Variants in MDN1 observed in about 807,000 individuals in gnomAD.
The protein encoded by MDN1 is midasin AAA ATPase 1, also known as midasin.
In MDN1, 266 loss-of-function variants were observed where a neutral mutation model predicts 669.2. That is an observed-to-expected ratio of 0.40 (90% confidence interval 0.36 to 0.44). The LOEUF (loss-of-function observed/expected upper bound fraction) is 0.44. Ranked by LOEUF, MDN1 falls within the 20% of genes least tolerant of loss-of-function variation. MDN1 has a pLI of 1.00. For synonymous variants in MDN1, 2,385 were observed against 2,457.1 expected (o/e 0.97, Z 0.87); for missense variants, 5,940 against 6,754.0 (o/e 0.88, Z 4.22).
chr6:89,813,945 T>G (rs1331717305), intron 1 of MDN1, among the ~76,000 whole-genome samples: 1 of 148,398 alleles, frequency 6.7e-6, no homozygotes, highest in Non-Finnish European at 1.5e-5. Flanking sequence ...AAAAAAAAAT[T>G]AGCCAGACGC....
chr6:89,711,555 G>A lies in MDN1; in HGVS notation c.7651+481C>T, dbSNP rs74428309. On this transcript the variant is annotated intron_variant, in intron 49 of 101. Coordinates refer to ENST00000369393, the MANE Select transcript of MDN1 (RefSeq NM_014611.3). ...TCCACGTATGTTGATGTCCCTGGGT[G>A]GGGGAGGGAGAGTCCTTGTATCAAT... 4.9e-3 allele frequency among the ~76,000 whole-genome samples: 745 copies of A among 152,192 alleles called. 9 individuals carry two copies. The highest frequency in any genetic ancestry group is 0.017 in the Middle Eastern group (5 of 294).
At position 89,701,574 on chromosome 6, in the gene MDN1, C is replaced by G; in HGVS notation, c.8411G>C (p.Arg2804Pro). The change falls in exon 55 of 102, where the codon CGA (arginine) becomes CCA (proline). Residue 2804 changes from arginine to proline, a missense_variant. Physicochemically the swap from Arg to Pro is moderately radical, Grantham distance 103. Around this residue, in one of 5 missense-constraint regions of MDN1, gnomAD observed 2,292 missense variants for 2,638.3 expected, o/e 0.87. Coordinates refer to ENST00000369393, the MANE Select transcript of MDN1 (RefSeq NM_014611.3). ...GIKKLQKFLG[R>P]PFPFKDKLVV... ...CAGGTGTACCTTAAAAGGAAACGGT[C>G]GTCCCAGGAACTTCTGCAACTTCTT... 6.2e-7 allele frequency: 1 copy of G among 1,614,050 alleles called. No homozygotes were observed. Among genetic ancestry groups the G allele is most frequent in the African/African-American group, 1.3e-5 (1 of 75,036 alleles).
chr6:89,658,778 T>C lies in MDN1; in HGVS notation c.14853A>G (p.Ala4951=). The change falls in exon 89 of 102, where the codon GCA becomes GCG. Residue 4951 remains alanine, a synonymous_variant. Transcript: ENST00000369393. ...PEEGPSEDDK[A]EGEEEMDTGA... Reference sequence around the variant, plus strand: ...CTGTGTCCATTTCCTCTTCCCCTTCTGCCTTGTCATCTTCACTGGGGCCTT... The same window carrying C: ...CTGTGTCCATTTCCTCTTCCCCTTCCGCCTTGTCATCTTCACTGGGGCCTT... The C allele has an allele frequency of 6.2e-7, 1 of 1,614,208 alleles. No homozygotes were observed. Among genetic ancestry groups the C allele is most frequent in the East Asian group, 2.2e-5 (1 of 44,886 alleles).
At position 89,680,726 on chromosome 6, in the gene MDN1, C is replaced by T. The variant is rs780399596; in HGVS notation, c.12128G>A (p.Gly4043Asp). The change falls in exon 74 of 102, where the codon GGC becomes GAC. Residue 4043 changes from glycine to aspartate, a missense_variant. Physicochemically the swap from Gly to Asp is moderately conservative, Grantham distance 94. Coordinates refer to ENST00000369393, the MANE Select transcript of MDN1 (RefSeq NM_014611.3). ...CCCTTCCAAGCCGGAAGGAGCAGCG[C>T]CCTGACACCACTCTGGAATTGTGGC... The part of the protein sequence containing the change: ...GQATIPEWCQ[G>D]AAPSGLEGEL... The T allele has an allele frequency of 2.5e-6, 4 of 1,614,088 alleles. No homozygotes were observed. The highest frequency in any genetic ancestry group is 2.2e-5 in the South Asian group (2 of 91,078).
intron 33 of MDN1, among the ~76,000 whole-genome samples, chr6:89,737,379 GA>G (rs962851086): frequency 6.6e-6 from 1 of 151,998 alleles, no homozygotes; most frequent in Non-Finnish European, 1.5e-5. Flanking sequence ...CAATTTCCAA[GA>G]AGCAGATATC....
chr6:89,755,399 A>G (rs1270318545), intron 20 of MDN1, among the ~76,000 whole-genome samples: 1 of 138,456 alleles, frequency 7.2e-6, no homozygotes, highest in Non-Finnish European at 1.6e-5. Context: ...AAAAAAAAAA[A>G]TAGAACTCCA....
At chr6:89,715,297 T>G (rs916085524) in intron 45 of MDN1, among the ~76,000 whole-genome samples, 1 of 152,192 alleles carries the variant, frequency 6.6e-6, no homozygotes, top group Non-Finnish European at 1.5e-5. Context: ...ATTCTTCTTT[T>G]TCTCAACCCA....
chr6:89,704,272 T>C (rs1377286967), intron 53 of MDN1, among the ~76,000 whole-genome samples: 1 of 152,040 alleles, frequency 6.6e-6, no homozygotes, highest in Non-Finnish European at 1.5e-5. Context: ...TCCTGGCTAC[T>C]CAGGAGGCTG....
chr6:89,752,088 T>C (rs1816984904), intron 22 of MDN1, among the ~76,000 whole-genome samples: 2 of 152,174 alleles, frequency 1.3e-5, no homozygotes, highest in South Asian at 4.1e-4. Flanking sequence ...AAGTTATTAG[T>C]TTCGATTATA....
chr6:89,729,538 A>G (rs1815438784), intron 35 of MDN1, among the ~76,000 whole-genome samples: 1 of 152,210 alleles, frequency 6.6e-6, no homozygotes, highest in Non-Finnish European at 1.5e-5. Context: ...AATCAACTTC[A>G]TCCAATGTTT....
At chr6:89,653,370 G>C (rs930149664) in intron 93 of MDN1, among the ~76,000 whole-genome samples, 1 of 152,188 alleles carries the variant, frequency 6.6e-6, no homozygotes. Context: ...TGATGTTGAA[G>C]GCAGATGTTC....
In MDN1 at chr6:89,700,267, T is replaced by G. The variant is rs1306296653; in HGVS notation, c.8666A>C (p.Gln2889Pro). The G allele has an allele frequency of 1.9e-6, 3 of 1,614,130 alleles. No individual in the cohort carries two copies. The highest frequency in any genetic ancestry group is 2.2e-5 in the East Asian group (1 of 44,884). Residue 2889 changes from glutamine (Q) to proline (P), a missense_variant, in exon 57 of 102, where the codon CAG becomes CCG. Around this residue, in one of 5 missense-constraint regions of MDN1, gnomAD observed 2,292 missense variants for 2,638.3 expected, o/e 0.87. Coordinates refer to ENST00000369393, the MANE Select transcript of MDN1 (RefSeq NM_014611.3). ...TCCTTTGGCTTTCAGTTCTAAACAC[T>G]GAGCATGCACAAAATTCTTCAATTC... ...LDELKNFVHA[Q>P]CLELKAKGLS...
intron 53 of MDN1, among the ~76,000 whole-genome samples, chr6:89,702,929 G>A (rs1282900249): frequency 7.2e-6 from 1 of 139,580 alleles, no homozygotes; most frequent in Non-Finnish European, 1.5e-5. Context: ...TGAGGTAGGG[G>A]TAAAGGCCCT....
intron 1 of MDN1, 53 bp downstream of exon 1, chr6:89,819,453 C>T: frequency 1.3e-6 from 2 of 1,510,256 alleles, no homozygotes; most frequent in Non-Finnish European, 1.8e-6. Context: ...AGGAAGCTTA[C>T]TAGTGGGGCG....
rs1815150540 is a variant in MDN1, at chr6:89,725,396, G to T, written c.5473C>A (p.Leu1825Ile). ...KAGHWVVLDE[L>I]NLASQSVLEG... is the part of the protein sequence containing the mutation. Reference sequence around the variant, plus strand: ...AATACAGACTGAGAAGCCAGGTTAAGCTATTTAAAGAAGAAAGTACATAAT... The same window carrying T: ...AATACAGACTGAGAAGCCAGGTTAATCTATTTAAAGAAGAAAGTACATAAT... The change falls in exon 38 of 102, where the codon CTT becomes ATT. Residue 1825 changes from leucine (L) to isoleucine (I), a missense_variant and splice_region_variant. Physicochemically the swap from Leu to Ile is conservative, Grantham distance 5 (BLOSUM62 2). Around this residue, in one of 5 missense-constraint regions of MDN1, gnomAD observed 2,292 missense variants for 2,638.3 expected, o/e 0.87. Coordinates refer to ENST00000369393, the MANE Select transcript of MDN1 (RefSeq NM_014611.3). The T allele has an allele frequency of 1.2e-6, 2 of 1,611,488 alleles. No individual in the cohort carries two copies. The highest frequency in any genetic ancestry group is 1.7e-6 in the Non-Finnish European group (2 of 1,177,928).
chr6:89,700,900 G>A lies in MDN1; in HGVS notation c.8428-44C>T, dbSNP rs145822781. The A allele has an allele frequency of 1.3e-3, 2,006 of 1,572,812 alleles. 12 individuals carry two copies. Among genetic ancestry groups the A allele is most frequent in the South Asian group, 6.3e-3 (553 of 88,428 alleles). Reference sequence around the variant, plus strand: ...CAAGAGCATACTATAGAGCACAAATGTGGTTTTCTTTAGTAGCCTATACAG... The same window carrying A: ...CAAGAGCATACTATAGAGCACAAATATGGTTTTCTTTAGTAGCCTATACAG... On this transcript the variant is annotated intron_variant, in intron 55 of 101. Transcript: ENST00000369393.
intron 29 of MDN1, among the ~76,000 whole-genome samples, 174 bp downstream of exon 29, chr6:89,745,099 C>T (rs1195553126): frequency 6.9e-6 from 1 of 144,760 alleles, no homozygotes; most frequent in Non-Finnish European, 1.5e-5. Context: ...AATGCTATCC[C>T]TCCCCCAGCC....
intron 22 of MDN1, among the ~76,000 whole-genome samples, chr6:89,752,156 T>C (rs1327239801): frequency 6.6e-6 from 1 of 152,218 alleles, no homozygotes; most frequent in Admixed American, 6.5e-5. Context: ...TCTATAACTA[T>C]GGAAAAGTAC....
In MDN1 at chr6:89,674,649, A is replaced by G. The variant is rs1562070305; in HGVS notation, c.12762-60T>C. 2.7e-6 allele frequency: 4 copies of G among 1,487,616 alleles called. No individual in the cohort carries two copies. The East Asian group carries it at 6.9e-5, about 26-fold the overall frequency. 92.2% of individuals were successfully genotyped at this position (1,487,616 alleles called of 1,614,324 possible). A position where few individuals can be genotyped will look rare whatever the true frequency, so the allele number is the denominator to read the frequency against. On this transcript the variant is annotated intron_variant, in intron 78 of 101. Transcript: ENST00000369393. ...ATGGCACCTTAAACCACTTTACCAC[A>G]TTGTTTTAAAAGAAATTTGTGTTTC...
Sources: allele counts gnomAD v4.1 joint callset (sites outside exome capture counted in the v4.1 genomes callset), GRCh38; gene constraint gnomAD v4.1.1; regional missense constraint gnomAD v4.1.1; transcripts MANE v1.5; gene names NCBI Gene and HGNC (gene_info 2026-07-23, HGNC 2026-07-21).